The following STRN variants were observed in gnomAD, a reference collection of about 807,000 sequenced individuals.
The protein encoded by STRN is protein phosphatase 2 regulatory subunit B'''alpha.
A neutral mutation model predicts 96.3 loss-of-function variants in STRN; 53 were observed. The ratio of observed to expected loss-of-function variants is 0.55; its 90% CI spans 0.44 to 0.69. STRN has a LOEUF of 0.69. STRN is among the 30% of genes least tolerant of loss of function. STRN has a pLI of 0.00. For synonymous variants in STRN, 428 were observed against 355.9 expected (o/e 1.20, Z -2.28); for missense variants, 987 against 963.9 (o/e 1.02, Z -0.32).
intron 6 of STRN, among the ~76,000 whole-genome samples, chr2:36,897,880 G>A (rs1669587398): frequency 6.6e-6 from 1 of 151,754 alleles, no homozygotes; most frequent in African/African-American, 2.4e-5. Context: ...TTTTAGATAT[G>A]GGGTCTTGCT....
intron 7 of STRN, among the ~76,000 whole-genome samples, chr2:36,890,072 A>T (rs192515537): frequency 8.4e-4 from 128 of 152,332 alleles, no homozygotes; most frequent in South Asian, 1.9e-3. Flanking sequence ...ATGACCAACT[A>T]TATCTATGCA....
chr2:36,891,517 T>G (rs1429825927), intron 7 of STRN, among the ~76,000 whole-genome samples: 1 of 126,218 alleles, frequency 7.9e-6, no homozygotes, highest in Non-Finnish European at 1.9e-5. Context: ...AGAGTGAGAC[T>G]CTGTCAAAAA....
chr2:36,923,286 T>C (rs1189253984), intron 2 of STRN, among the ~76,000 whole-genome samples: 1 of 150,326 alleles, frequency 6.7e-6, no homozygotes, highest in African/African-American at 2.5e-5. Flanking sequence ...CTGTCTCTAC[T>C]AAAAATGCAA....
rs145767619 is a variant in STRN, at chr2:36,848,021, A to G, written c.*1435T>C. On this transcript the variant is annotated 3_prime_UTR_variant, in exon 18 of 18. Coordinates refer to ENST00000263918, the MANE Select transcript of STRN (RefSeq NM_003162.4). ...TTGGGACAAAGAGTAAGAGAGACAT[A>G]AACCACTATAGAAATAATGTCTTTA... The G allele has an allele frequency of 1.0e-3, 152 of 152,332 alleles. 1 individual carries two copies. Among genetic ancestry groups the G allele is most frequent in the African/African-American group, 3.5e-3 (147 of 41,576 alleles). The allele number at this position is 152,332 out of a possible 1,614,324, so 9.4% of individuals were successfully genotyped here.
At position 36,894,007 on chromosome 2, in the gene STRN, G is replaced by C; in HGVS notation, c.822C>G (p.Asp274Glu). Residue 274 changes from aspartate (D) to glutamate (E), a missense_variant, in exon 7 of 18, where the codon GAC (aspartate) becomes GAG (glutamate). Physicochemically the swap from Asp to Glu is conservative, Grantham distance 45. Transcript: ENST00000263918. Reference protein sequence around the residue: ...STIVRKKALPDSGEDRDTKEA... With the variant: ...STIVRKKALPESGEDRDTKEA... ...CTTTTGTATCTCGATCTTCACCGCT[G>C]TCAGGCAATGCTTTTTTCCTAACAA... is the stretch of plus-strand genomic sequence containing the variant. 1 of 1,612,932 alleles carries C rather than the reference G, an allele frequency of 6.2e-7. No homozygotes were observed.
At chr2:36,950,364 C>T (rs1314208215) in intron 1 of STRN, among the ~76,000 whole-genome samples, 3 of 151,870 alleles carry the variant, frequency 2.0e-5, no homozygotes, top group African/African-American at 7.3e-5. Context: ...TACAGGCACG[C>T]GCCATCACGC....
At chr2:36,883,270 C>T (rs1279180756) in intron 9 of STRN, among the ~76,000 whole-genome samples, 2 of 152,114 alleles carry the variant, frequency 1.3e-5, no homozygotes, top group Non-Finnish European at 2.9e-5. Context: ...GCCTGGCCAA[C>T]ATGGCAAAAC....
In STRN at chr2:36,966,222, G is replaced by A. The variant is rs770179023; in HGVS notation, c.234+8C>T. ...GGATGAAGACGGCCAGGCCGGGAGG[G>A]TCTTTACCTGCAGCTCCGCCCGCTC... On this transcript the variant is annotated splice_region_variant and intron_variant, in intron 1 of 17. Transcript: ENST00000263918. 6.4e-7 allele frequency: 1 copy of A among 1,558,190 alleles called. No homozygotes were observed. Among genetic ancestry groups the A allele is most frequent in the Non-Finnish European group, 8.7e-7 (1 of 1,154,324 alleles).
intron 10 of STRN, among the ~76,000 whole-genome samples, chr2:36,874,963 G>A (rs1572638856): frequency 6.6e-6 from 1 of 152,098 alleles, no homozygotes; most frequent in East Asian, 1.9e-4. Flanking sequence ...AATGTAAAAT[G>A]TAAAATAAAT....
chr2:36,883,298 T>G, intron 9 of STRN, among the ~76,000 whole-genome samples: 1 of 151,154 alleles, frequency 6.6e-6, no homozygotes. Context: ...CTACTAAAAA[T>G]ACAAAAAAAT....
intron 1 of STRN, among the ~76,000 whole-genome samples, chr2:36,951,312 T>C (rs1664747520): frequency 6.6e-6 from 1 of 152,238 alleles, no homozygotes; most frequent in Admixed American, 6.5e-5. Context: ...GTAGCAATTA[T>C]GAAGCCTGTG....
rs200449462 is a variant in STRN, at chr2:36,902,584, G to A, written c.659C>T (p.Ala220Val). 4.3e-5 allele frequency: 68 copies of A among 1,588,270 alleles called. No individual in the cohort carries two copies. The highest frequency in any genetic ancestry group is 2.2e-4 in the Admixed American group (13 of 57,868). ...EAEVKETAMI[A>V]KSELTDSASV... The stretch of plus-strand genomic sequence containing the variant: ...AACACTTTCCAGACAAAATACTTAC[G>A]CAATCATTGCTGTCTCTTTAACTTC... Residue 220 changes from alanine to valine, a missense_variant and splice_region_variant, in exon 5 of 18, where the codon GCA becomes GTA. Coordinates refer to ENST00000263918, the MANE Select transcript of STRN (RefSeq NM_003162.4).
chr2:36,956,619 T>C (rs978989153), intron 1 of STRN, among the ~76,000 whole-genome samples: 8 of 152,384 alleles, frequency 5.2e-5, no homozygotes, highest in Admixed American at 2.0e-4. Flanking sequence ...CCAGATTATC[T>C]GAACTTTCAA....
At chr2:36,897,017 A>C (rs943219148) in intron 6 of STRN, among the ~76,000 whole-genome samples, 15 of 152,014 alleles carry the variant, frequency 9.9e-5, no homozygotes, top group Non-Finnish European at 4.4e-5. Flanking sequence ...AAAATACAGC[A>C]TCAGCCGGGT....
intron 1 of STRN, among the ~76,000 whole-genome samples, chr2:36,936,070 T>C (rs1429637080): frequency 6.6e-6 from 1 of 152,134 alleles, no homozygotes; most frequent in Non-Finnish European, 1.5e-5. Context: ...GGAAATATCA[T>C]GAAAACAATT....
intron 11 of STRN, among the ~76,000 whole-genome samples, chr2:36,868,081 C>T (rs1668674901): frequency 6.6e-6 from 1 of 152,024 alleles, no homozygotes; most frequent in Admixed American, 6.6e-5. Context: ...TATTTTTAGC[C>T]CTGTCATAAT....
Position 36,893,936 on chromosome 2 carries a change from T to A in STRN, c.893A>T (p.Asp298Val), listed in dbSNP as rs751382921. ...FDFLVTSEEGDNESRSAGDGT... is the reference protein window; with the variant it reads ...FDFLVTSEEGVNESRSAGDGT... ...ATCGCCTGCACTTCTAGATTCATTG[T>A]CTCCTTCCTCTGATGTAACCAAGAA... Residue 298 changes from aspartate to valine, a missense_variant, in exon 7 of 18, where the codon GAC (aspartate) becomes GTC (valine). Physicochemically the swap from Asp to Val is radical, Grantham distance 152. Coordinates refer to ENST00000263918, the MANE Select transcript of STRN (RefSeq NM_003162.4). The A allele has an allele frequency of 6.2e-7, 1 of 1,613,484 alleles. No homozygotes were observed. The highest frequency in any genetic ancestry group is 1.3e-5 in the African/African-American group (1 of 74,998).
chr2:36,894,156 C>T, intron 6 of STRN, 123 bp from the exon 7 acceptor site: 2 of 1,104,188 alleles, frequency 1.8e-6, no homozygotes, highest in Non-Finnish European at 2.5e-6. Flanking sequence ...TACTACCTAA[C>T]TCAGTGAAAA....
chr2:36,945,055 C>T (rs1670944453), intron 1 of STRN, among the ~76,000 whole-genome samples: 1 of 151,720 alleles, frequency 6.6e-6, no homozygotes, highest in East Asian at 1.9e-4. Flanking sequence ...AGTAATATGT[C>T]AAAGAAATGA....
Sources: allele counts gnomAD v4.1 joint callset (sites outside exome capture counted in the v4.1 genomes callset), GRCh38; gene constraint gnomAD v4.1.1; transcripts MANE v1.5; gene names NCBI Gene and HGNC (gene_info 2026-07-23, HGNC 2026-07-21).